GALNTL6: variants seen among roughly 807,000 people sequenced by gnomAD.
GALNTL6 encodes the protein polypeptide N-acetylgalactosaminyltransferase like 6.
GALNTL6 carries 46 observed loss-of-function variants against 73.7 expected under a neutral mutation model. That is an observed-to-expected ratio of 0.62 (90% CI 0.49 to 0.80). The LOEUF (loss-of-function observed/expected upper bound fraction) is 0.80. GALNTL6 is among the 30% of genes least tolerant of loss of function. The pLI is 0.00. For missense variants in GALNTL6, 604 were observed against 755.0 expected, an observed-to-expected ratio of 0.80 and a Z score of 2.34; for synonymous variants, 259 against 263.7, an observed-to-expected ratio of 0.98 and a Z score of 0.17.
At chr4:172,049,938 C>T (rs759573207) in intron 2 of GALNTL6, among the ~76,000 whole-genome samples, 8 of 151,422 alleles carry the variant, frequency 5.3e-5, no homozygotes, top group Non-Finnish European at 8.8e-5. Context: ...GAGCTGAGAT[C>T]GCACCATTGC....
chr4:172,794,220 TTTTGGGAATTCC>T (rs1317612725), intron 5 of GALNTL6, among the ~76,000 whole-genome samples: 1 of 152,216 alleles, frequency 6.6e-6, no homozygotes, highest in Non-Finnish European at 1.5e-5. Context: ...TTTTACACTC[TTTTGGGAATTCC>T]TTCTAAAATT....
At chr4:171,988,858 T>G (rs1335772709) in intron 2 of GALNTL6, among the ~76,000 whole-genome samples, 2 of 151,840 alleles carry the variant, frequency 1.3e-5, no homozygotes, top group Non-Finnish European at 2.9e-5. Context: ...GGAGTAGAGG[T>G]GTCTTATACT....
chr4:172,929,037 G>A (rs1437055122), intron 8 of GALNTL6, among the ~76,000 whole-genome samples: 1 of 152,262 alleles, frequency 6.6e-6, no homozygotes, highest in East Asian at 1.9e-4. Flanking sequence ...TATGTTCAAT[G>A]TTATAGAGCT....
intron 2 of GALNTL6, among the ~76,000 whole-genome samples, chr4:172,154,335 C>T (rs920442530): frequency 2.6e-5 from 4 of 151,978 alleles, no homozygotes; most frequent in African/African-American, 4.8e-5. Context: ...TGGGTTCAAG[C>T]GATTCTCCTG....
At chr4:171,923,211 G>A (rs1043932067) in intron 2 of GALNTL6, among the ~76,000 whole-genome samples, 5 of 152,056 alleles carry the variant, frequency 3.3e-5, no homozygotes, top group African/African-American at 9.7e-5. Flanking sequence ...AATTTATGGA[G>A]AGTTCTTCAT....
At chr4:172,485,504 G>A (rs1243871368) in intron 5 of GALNTL6, among the ~76,000 whole-genome samples, 4 of 151,938 alleles carry the variant, frequency 2.6e-5, no homozygotes, top group South Asian at 2.1e-4. Context: ...GCAATGTAAC[G>A]CATATTTTAG....
At chr4:172,977,230 A>G (rs957750177) in intron 10 of GALNTL6, among the ~76,000 whole-genome samples, 2 of 152,250 alleles carry the variant, frequency 1.3e-5, no homozygotes, top group Non-Finnish European at 2.9e-5. Flanking sequence ...CTCTGGGTCT[A>G]TTGATGGAAG....
intron 3 of GALNTL6, among the ~76,000 whole-genome samples, chr4:172,276,640 G>C (rs1400280608): frequency 6.6e-6 from 1 of 152,040 alleles, no homozygotes; most frequent in Non-Finnish European, 1.5e-5. Flanking sequence ...TTGCTGCAAT[G>C]ATCACTTTAA....
At chr4:172,045,142 AGT>A (rs1181930508) in intron 2 of GALNTL6, among the ~76,000 whole-genome samples, 1 of 152,032 alleles carries the variant, frequency 6.6e-6, no homozygotes, top group Non-Finnish European at 1.5e-5. Context: ...AAAAACTTTC[AGT>A]GTTTGATTAG....
chr4:172,895,460 G>A (rs1746277317), intron 8 of GALNTL6, among the ~76,000 whole-genome samples: 1 of 150,646 alleles, frequency 6.6e-6, no homozygotes, highest in Non-Finnish European at 1.5e-5. Context: ...AGGCCTGTAA[G>A]GTTTCTGCTA....
At chr4:172,060,348 A>G (rs1396139325) in intron 2 of GALNTL6, among the ~76,000 whole-genome samples, 1 of 152,194 alleles carries the variant, frequency 6.6e-6, no homozygotes, top group African/African-American at 2.4e-5. Flanking sequence ...ATACATATGC[A>G]CATACATACA....
At chr4:172,486,287 A>G (rs1733664339) in intron 5 of GALNTL6, among the ~76,000 whole-genome samples, 1 of 152,134 alleles carries the variant, frequency 6.6e-6, no homozygotes, top group African/African-American at 2.4e-5. Flanking sequence ...GAAGATAGAA[A>G]GTGTCGACCC....
intron 5 of GALNTL6, among the ~76,000 whole-genome samples, chr4:172,606,553 A>ATATATATATACATATACATAGTATATG (rs1738277035): frequency 7.8e-6 from 1 of 128,672 alleles, no homozygotes; most frequent in African/African-American, 2.8e-5. Flanking sequence ...GGAAGTGTAT[A>ATATATATATACATATACATAGTATATG]TATATATATA....
Position 172,809,486 on chromosome 4 carries a change from G to A in GALNTL6, c.679G>A (p.Val227Ile). The change falls in exon 6 of 13, where the codon GTC becomes ATC. Residue 227 changes from valine to isoleucine, a missense_variant. Transcript: ENST00000506823. This position sits in a 1 kb window ranked among gnomAD's most constrained non-coding sequence, Gnocchi z 4.4. Reference sequence around the variant, plus strand: ...GGGGGCATCTATGGCCAGAGGAGAAGTCCTGACATTCCTGGACTCCCACTG... The same window carrying A: ...GGGGGCATCTATGGCCAGAGGAGAAATCCTGACATTCCTGGACTCCCACTG... ...LLGASMARGE[V>I]LTFLDSHCEV... The A allele has an allele frequency of 6.2e-7, 1 of 1,613,844 alleles. No individual in the cohort carries two copies. Among genetic ancestry groups the A allele is most frequent in the Non-Finnish European group, 8.5e-7 (1 of 1,179,850 alleles).
In GALNTL6 at chr4:172,666,554, T is replaced by G. The variant is rs144309407; in HGVS notation, c.554-142807T>G. Among the ~76,000 whole-genome samples the G allele has an allele frequency of 4.6e-3, 698 of 152,292 alleles. 3 individuals are homozygous for G. Among genetic ancestry groups the G allele is most frequent in the African/African-American group, 0.016 (670 of 41,560 alleles). On this transcript the variant is annotated intron_variant, in intron 5 of 12. Coordinates refer to ENST00000506823, the MANE Select transcript of GALNTL6 (RefSeq NM_001034845.3). ...GTGAGGACGTCTGCCCAGCAACTGC[T>G]TGTTCAACCTTGGACTAATTCCACC...
At chr4:172,832,483 A>G (rs981112818) in intron 7 of GALNTL6, among the ~76,000 whole-genome samples, 4 of 152,232 alleles carry the variant, frequency 2.6e-5, no homozygotes, top group Non-Finnish European at 5.9e-5. Flanking sequence ...CCCAAATTTA[A>G]TGATCTGTGT....
At chr4:172,892,714 G>A (rs550386153) in intron 8 of GALNTL6, among the ~76,000 whole-genome samples, 13 of 150,668 alleles carry the variant, frequency 8.6e-5, no homozygotes, top group African/African-American at 3.2e-4. Flanking sequence ...TCTGGAGATG[G>A]GAGATGGGGG....
At chr4:172,906,246 C>A (rs535900252) in intron 8 of GALNTL6, among the ~76,000 whole-genome samples, 12 of 150,698 alleles carry the variant, frequency 8.0e-5, no homozygotes, top group African/African-American at 2.4e-4. Flanking sequence ...TAAAAAAAAA[C>A]ACACACAAAT....
rs1310546479 is a variant in GALNTL6 at position 172,975,458 on chromosome 4, G to A, written c.1371+23200G>A. On this transcript the variant is annotated intron_variant, in intron 10 of 12. Transcript: ENST00000506823. ...ACGTCAGAAGAAGTGCATGCTGATT[G>A]GTCCATGGGAGGCCATGGGTGGGCC... Among the ~76,000 whole-genome samples, 3 of 152,184 alleles carry A rather than the reference G, an allele frequency of 2.0e-5. No individual in the cohort carries two copies. The East Asian group carries it at 5.8e-4, about 29-fold the overall frequency.
Sources: allele counts gnomAD v4.1 joint callset (sites outside exome capture counted in the v4.1 genomes callset), GRCh38; gene constraint gnomAD v4.1.1; non-coding constraint Gnocchi (gnomAD v3.1); transcripts MANE v1.5; gene names NCBI Gene and HGNC (gene_info 2026-07-23, HGNC 2026-07-21).